The following ZNF684 variants were observed in gnomAD, a reference collection of about 807,000 sequenced individuals.
The protein encoded by ZNF684 is zinc finger protein 684.
A neutral mutation model predicts 12.8 loss-of-function variants in ZNF684; 13 were observed. That is an observed-to-expected ratio of 1.02 (90% CI 0.66 to 1.62). The LOEUF is 1.62. Ranked by LOEUF, ZNF684 falls within the 40% of genes most tolerant of loss-of-function variation. ZNF684 has a pLI of 0.00. For missense variants in ZNF684, 384 were observed against 446.9 expected, an observed-to-expected ratio of 0.86 and a Z score of 1.27; for synonymous variants, 118 against 151.8, an observed-to-expected ratio of 0.78 and a Z score of 1.64.
At chr1:40,541,764 A>T in intron 4 of ZNF684, 54 bp downstream of exon 4, 1 of 1,432,194 alleles carries the variant, frequency 7.0e-7, no homozygotes, top group Non-Finnish European at 9.8e-7. Context: ...CCCATTGGTC[A>T]GTGAGGGACA....
At chr1:40,541,403 T>A (rs1462848255) in intron 3 of ZNF684, 1 of 377,306 alleles carries the variant, frequency 2.7e-6, no homozygotes, top group Non-Finnish European at 5.2e-6. Flanking sequence ...CAGGATGGTC[T>A]CGATCTCCTG....
intron 2 of ZNF684, among the ~76,000 whole-genome samples, chr1:40,535,733 C>T (rs1310769108): frequency 6.6e-6 from 1 of 151,964 alleles, no homozygotes; most frequent in African/African-American, 2.4e-5. Context: ...CTTAATATAC[C>T]AGTTTAGAGA....
intron 1 of ZNF684, among the ~76,000 whole-genome samples, chr1:40,532,130 G>A (rs957958819): frequency 6.6e-6 from 1 of 152,278 alleles, no homozygotes; most frequent in African/African-American, 2.4e-5. Context: ...GCCGTGTCAA[G>A]GGATCCAGTG....
At chr1:40,537,963 C>G (rs1458198288) in intron 2 of ZNF684, among the ~76,000 whole-genome samples, 1 of 152,106 alleles carries the variant, frequency 6.6e-6, no homozygotes, top group African/African-American at 2.4e-5. Context: ...CAAATGGAAC[C>G]ATGAAATATG....
At chr1:40,536,505 A>T (rs6672398) in intron 2 of ZNF684, among the ~76,000 whole-genome samples, 39,556 of 149,456 alleles carry the variant, frequency 0.26, 6,892 homozygotes, top group East Asian at 0.54. Context: ...TTACAGTCTC[A>T]GTAACATCTT....
chr1:40,534,461 G>A (rs1174694963), intron 2 of ZNF684, among the ~76,000 whole-genome samples: 12 of 150,880 alleles, frequency 8.0e-5, no homozygotes, highest in Admixed American at 7.9e-4. Flanking sequence ...GGCTGGTCTC[G>A]AACTCCTGAC....
In ZNF684 at chr1:40,547,230, A is replaced by G. The variant is rs1187928610; in HGVS notation, c.907A>G (p.Ile303Val). 1.9e-6 allele frequency: 3 copies of G among 1,614,078 alleles called. No homozygotes were observed. In the South Asian group the frequency reaches 3.3e-5, roughly 18 times the overall value. ...AGGAGAGAAACCCTACCAGTGTATC[A>G]TATGTGGCAAAGCTTTTGGCAACAC... ...HTGEKPYQCI[I>V]CGKAFGNTSV... is the part of the protein sequence containing the mutation. The change falls in exon 5 of 5, where the codon ATA (isoleucine) becomes GTA (valine). Residue 303 changes from isoleucine to valine, a missense_variant. Coordinates refer to ENST00000372699, the MANE Select transcript of ZNF684 (RefSeq NM_152373.4).
At chr1:40,546,238 G>A (rs1026936617) in intron 4 of ZNF684, among the ~76,000 whole-genome samples, 1 of 151,950 alleles carries the variant, frequency 6.6e-6, no homozygotes, top group Non-Finnish European at 1.5e-5. Flanking sequence ...TGTGTGTTTG[G>A]TTGTCCTATC....
intron 4 of ZNF684, 41 bp downstream of exon 4, chr1:40,541,751 A>C: frequency 6.5e-7 from 1 of 1,538,802 alleles, no homozygotes; most frequent in Non-Finnish European, 9.0e-7. Context: ...TGGAGTTGAG[A>C]TCCCCATTGG....
chr1:40,535,777 A>G (rs201257855), intron 2 of ZNF684, among the ~76,000 whole-genome samples: 3 of 152,168 alleles, frequency 2.0e-5, no homozygotes, highest in South Asian at 2.1e-4. Context: ...TGAACTATCT[A>G]TACATTCCTG....
intron 3 of ZNF684, 192 bp from the exon 4 acceptor site, chr1:40,541,423 T>G: frequency 2.3e-6 from 1 of 427,972 alleles, no homozygotes; most frequent in Non-Finnish European, 4.5e-6. Context: ...GACCTCATGA[T>G]CCGCCCGCCT....
intron 4 of ZNF684, 116 bp from the exon 5 acceptor site, chr1:40,546,446 G>A: frequency 3.9e-6 from 4 of 1,027,538 alleles, no homozygotes; most frequent in Non-Finnish European, 5.4e-6. Flanking sequence ...GAGGAGTGAG[G>A]CAAATATAAG....
chr1:40,545,791 C>G (rs1413619009), intron 4 of ZNF684, among the ~76,000 whole-genome samples: 4 of 152,054 alleles, frequency 2.6e-5, no homozygotes, highest in African/African-American at 9.7e-5. Context: ...AGGGAATTAT[C>G]CTACCAATGT....
intron 3 of ZNF684, 91 bp downstream of exon 3, chr1:40,540,803 G>C (rs1646010419): frequency 7.8e-7 from 1 of 1,281,220 alleles, no homozygotes; most frequent in Non-Finnish European, 1.0e-6. Flanking sequence ...GCCAATTGTG[G>C]TCGCTCATGC....
rs1646020153 is a variant in ZNF684, at chr1:40,542,227, A to C, written c.238+517A>C. Reference sequence around the variant, plus strand: ...TGAGGTAATACATGCAAAACACTTCAAATAGTTGGCAGATAGTAAATGTTC... The same window carrying C: ...TGAGGTAATACATGCAAAACACTTCCAATAGTTGGCAGATAGTAAATGTTC... On this transcript the variant is annotated intron_variant, in intron 4 of 4. Transcript: ENST00000372699. 2.0e-5 allele frequency among the ~76,000 whole-genome samples: 3 copies of C among 152,234 alleles called. 1 individual carries two copies. The South Asian group carries it at 6.2e-4, about 31-fold the overall frequency.
At position 40,546,555 on chromosome 1, in the gene ZNF684, T is replaced by A; in HGVS notation, c.239-7T>A. ...AACTAGGAATGTTTTGTTGTACTCC[T>A]TTTTAGAATCTGACTACCCACTTGT... On this transcript the variant is annotated splice_polypyrimidine_tract_variant and splice_region_variant and intron_variant, in intron 4 of 4. Transcript: ENST00000372699. The A allele has an allele frequency of 6.5e-7, 1 of 1,531,298 alleles. No individual in the cohort carries two copies. The highest frequency in any genetic ancestry group is 1.3e-5 in the South Asian group (1 of 74,646). The allele number at this position is 1,531,298 out of a possible 1,614,324, so 94.9% of individuals were successfully genotyped here.
At chr1:40,539,170 C>T (rs1388039117) in intron 2 of ZNF684, among the ~76,000 whole-genome samples, 2 of 151,960 alleles carry the variant, frequency 1.3e-5, no homozygotes, top group South Asian at 2.1e-4. Flanking sequence ...GCTGAGACTA[C>T]AGGCGCATGC....
Position 40,542,778 on chromosome 1 carries a change from G to A in ZNF684, c.238+1068G>A, listed in dbSNP as rs1646023523. 1.3e-5 allele frequency among the ~76,000 whole-genome samples: 2 copies of A among 152,224 alleles called. 1 individual carries two copies. Among genetic ancestry groups the A allele is most frequent in the South Asian group, 4.1e-4 (2 of 4,826 alleles). On this transcript the variant is annotated intron_variant, in intron 4 of 4. Transcript: ENST00000372699. ...TGCAGTCTCAAAACCACTGCATTAA[G>A]CAATTTGATTTTTTTCCTGTCAATA...
At position 40,547,274 on chromosome 1, in the gene ZNF684, C is replaced by A; in HGVS notation, c.951C>A (p.His317Gln). ...AFGNTSVLVT[H>Q]QRIHTGEKPY... is the part of the protein sequence containing the mutation. Reference sequence around the variant, plus strand: ...GCAACACATCCGTGCTTGTTACACACCAAAGAATTCATACAGGAGAGAAAC... The same window carrying A: ...GCAACACATCCGTGCTTGTTACACAACAAAGAATTCATACAGGAGAGAAAC... The change falls in exon 5 of 5, where the codon CAC becomes CAA. Residue 317 changes from histidine to glutamine, a missense_variant. Physicochemically the swap from His to Gln is conservative, Grantham distance 24. Coordinates refer to ENST00000372699, the MANE Select transcript of ZNF684 (RefSeq NM_152373.4). 1 of 1,614,052 alleles carries A rather than the reference C, an allele frequency of 6.2e-7. No individual in the cohort carries two copies. The highest frequency in any genetic ancestry group is 8.5e-7 in the Non-Finnish European group (1 of 1,180,008).
Sources: allele counts gnomAD v4.1 joint callset (sites outside exome capture counted in the v4.1 genomes callset), GRCh38; gene constraint gnomAD v4.1.1; transcripts MANE v1.5; gene names NCBI Gene and HGNC (gene_info 2026-07-23, HGNC 2026-07-21).